Variants in KDM5B observed in about 807,000 individuals in gnomAD.
The protein encoded by KDM5B is lysine-specific demethylase 5B.
Under a neutral mutation model 193.4 loss-of-function variants are expected in KDM5B, and 144 were observed. The observed-to-expected ratio is 0.74, with a 90% CI of 0.65 to 0.86. The LOEUF is 0.86. KDM5B is among the 40% of genes least tolerant of loss of function. The pLI is 0.00. For synonymous variants in KDM5B, 668 were observed against 682.6 expected (o/e 0.98, Z 0.33); for missense variants, 1,833 against 1,886.9 (o/e 0.97, Z 0.53).
chr1:202,760,570 C>G lies in KDM5B; in HGVS notation c.922G>C (p.Asp308His). 6.2e-7 allele frequency: 1 copy of G among 1,602,500 alleles called. No homozygotes were observed. ...SRSKKATNAVDLYVCLLCGSG... is the reference protein window; with the variant it reads ...SRSKKATNAVHLYVCLLCGSG... ...CCACATAAAAGACAGACATACAGGTCCACCTGTAGCAATAAAAGTGGGTAC... is the reference window on the plus strand; with the variant it reads ...CCACATAAAAGACAGACATACAGGTGCACCTGTAGCAATAAAAGTGGGTAC... Residue 308 changes from aspartate (D) to histidine (H), a missense_variant, in exon 8 of 27, where the codon GAC becomes CAC. Asp to His is a moderately conservative substitution (Grantham distance 81). Coordinates refer to ENST00000367265, the MANE Select transcript of KDM5B (RefSeq NM_006618.5).
At chr1:202,791,107 T>C (rs533412237) in intron 1 of KDM5B, among the ~76,000 whole-genome samples, 2 of 152,320 alleles carry the variant, frequency 1.3e-5, no homozygotes, top group South Asian at 2.1e-4. Flanking sequence ...ACTTACCCTA[T>C]GATATATTTC....
At chr1:202,750,846 GAC>G in intron 12 of KDM5B, 68 bp from the exon 13 acceptor site, 1 of 1,497,990 alleles carries the variant, frequency 6.7e-7, no homozygotes, top group Non-Finnish European at 9.1e-7. Context: ...AGACAATCTG[GAC>G]ACAGTCTATT....
chr1:202,753,996 G>A (rs1168316780), intron 11 of KDM5B, among the ~76,000 whole-genome samples: 1 of 152,106 alleles, frequency 6.6e-6, no homozygotes, highest in Non-Finnish European at 1.5e-5. Context: ...ATAAGGTATC[G>A]TATTCACTTC....
At chr1:202,732,611 TGACA>T (rs1235184313) in intron 23 of KDM5B, among the ~76,000 whole-genome samples, 2 of 126,654 alleles carry the variant, frequency 1.6e-5, no homozygotes, top group Middle Eastern at 4.3e-3. Flanking sequence ...GAAACAAATA[TGACA>T]GACTGTTTTT....
At chr1:202,745,821 A>G (rs749386665) in intron 16 of KDM5B, 37 bp downstream of exon 16, 8 of 1,612,180 alleles carry the variant, frequency 5.0e-6, no homozygotes, top group Non-Finnish European at 5.9e-6. Flanking sequence ...ATAAGCCCCA[A>G]TTTGCCAATC....
At chr1:202,806,384 A>C (rs1198812873) in intron 1 of KDM5B, 2 of 152,242 alleles carry the variant, frequency 1.3e-5, no homozygotes, top group African/African-American at 2.4e-5. Context: ...AAGCTACATT[A>C]CTACAGTGTG....
At chr1:202,807,082 G>GC (rs1658325224) in intron 1 of KDM5B, 1 of 152,356 alleles carries the variant, frequency 6.6e-6, no homozygotes, top group African/African-American at 2.4e-5. Context: ...CTGCCCCCAG[G>GC]CCCGAGGCGC....
chr1:202,767,749 A>G (rs1054786043), intron 4 of KDM5B, among the ~76,000 whole-genome samples: 9 of 152,194 alleles, frequency 5.9e-5, no homozygotes, highest in East Asian at 5.8e-4. Flanking sequence ...CATTGCTGAC[A>G]TCATCAGGTT....
At chr1:202,770,089 C>A (rs1011281982) in intron 4 of KDM5B, among the ~76,000 whole-genome samples, 2 of 152,120 alleles carry the variant, frequency 1.3e-5, no homozygotes, top group Admixed American at 1.3e-4. Context: ...GAAAATCATG[C>A]CCTGTAGTTT....
Position 202,758,527 on chromosome 1 carries a change from T to C in KDM5B, c.1078-17A>G. ...ACTACATTCCTGAAAATAAAGAAAA[T>C]TACGTTCTAGGTGACACTGAAAACA... On this transcript the variant is annotated splice_polypyrimidine_tract_variant and intron_variant, in intron 8 of 26. Coordinates refer to ENST00000367265, the MANE Select transcript of KDM5B (RefSeq NM_006618.5). The C allele has an allele frequency of 6.3e-7, 1 of 1,592,354 alleles. No individual in the cohort carries two copies. The highest frequency in any genetic ancestry group is 8.6e-7 in the Non-Finnish European group (1 of 1,164,146).
chr1:202,808,166 G>A lies in KDM5B; in HGVS notation c.140C>T (p.Ala47Val), dbSNP rs1207969518. The part of the protein sequence containing the change: ...PSWEEFADPF[A>V]FIHKIRPIAE... ...TATGGGCCGGATCTTGTGGATGAAA[G>A]CGAAGGGGTCCGCGAACTCTTCCCA... The change falls in exon 1 of 27, where the codon GCT (alanine) becomes GTT (valine). Residue 47 changes from alanine (A) to valine (V), a missense_variant. This residue lies in a region of KDM5B where 355 missense variants were observed against 374.9 expected (regional missense o/e 0.95). Transcript: ENST00000367265. 1.2e-6 allele frequency: 2 copies of A among 1,613,126 alleles called. No individual in the cohort carries two copies.
At position 202,768,835 on chromosome 1, in the gene KDM5B, A is replaced by G. The variant is rs903279789; in HGVS notation, c.577-1775T>C. ...CAGGTTCAAGCAATTCTCCTGCCTC[A>G]GCCTCCCAAGTAGCTGGGATTACAG... On this transcript the variant is annotated intron_variant, in intron 4 of 26. Coordinates refer to ENST00000367265, the MANE Select transcript of KDM5B (RefSeq NM_006618.5). 8.7e-5 allele frequency among the ~76,000 whole-genome samples: 13 copies of G among 150,026 alleles called. 1 individual carries two copies. The highest frequency in any genetic ancestry group is 3.4e-3 in the Middle Eastern group (1 of 290).
At chr1:202,755,582 C>CAGAA in intron 10 of KDM5B, 130 bp from the exon 11 acceptor site, 1 of 696,962 alleles carries the variant, frequency 1.4e-6, no homozygotes, top group Non-Finnish European at 2.3e-6. Flanking sequence ...CCATGCTGAC[C>CAGAA]TTCTAGGATG....
intron 11 of KDM5B, among the ~76,000 whole-genome samples, chr1:202,753,913 C>T (rs1655903896): frequency 2.0e-5 from 3 of 152,136 alleles, no homozygotes. Context: ...AGGTGAACCG[C>T]CCGCCTCAGC....
intron 1 of KDM5B, among the ~76,000 whole-genome samples, chr1:202,791,252 C>T (rs1046656056): frequency 6.6e-6 from 1 of 152,116 alleles, no homozygotes; most frequent in Non-Finnish European, 1.5e-5. Flanking sequence ...AAGTTGCAGT[C>T]TGATAAAACT....
At position 202,756,272 on chromosome 1, in the gene KDM5B, T is replaced by G. The variant is rs970923616; in HGVS notation, c.1356+86A>C. On this transcript the variant is annotated intron_variant, in intron 10 of 26. Transcript: ENST00000367265. ...CATTAAAAATCTGGTAATTAAGGAT[T>G]TGCTAAAAGTAATCATAAGTTACTT... The G allele has an allele frequency of 7.1e-6, 8 of 1,123,270 alleles. No homozygotes were observed. The African/African-American group carries it at 1.2e-4, about 18-fold the overall frequency. 69.6% of individuals were successfully genotyped at this position (1,123,270 alleles called of 1,614,324 possible).
At chr1:202,766,537 G>C (rs1020099015) in intron 5 of KDM5B, 6 of 431,988 alleles carry the variant, frequency 1.4e-5, no homozygotes, top group African/African-American at 1.1e-4. Flanking sequence ...GAGAAAAGTG[G>C]CTTTAACTGT....
At chr1:202,778,860 G>T (rs937175776) in intron 1 of KDM5B, among the ~76,000 whole-genome samples, 2 of 152,118 alleles carry the variant, frequency 1.3e-5, no homozygotes, top group Non-Finnish European at 2.9e-5. Flanking sequence ...GACCTCATAT[G>T]ATCCGCCTGC....
intron 20 of KDM5B, among the ~76,000 whole-genome samples, chr1:202,737,663 A>T (rs990255594): frequency 4.6e-5 from 7 of 152,236 alleles, no homozygotes; most frequent in African/African-American, 1.7e-4. Context: ...AATTTATAGG[A>T]AATACAGAGA....
Sources: allele counts gnomAD v4.1 joint callset (sites outside exome capture counted in the v4.1 genomes callset), GRCh38; gene constraint gnomAD v4.1.1; regional missense constraint gnomAD v4.1.1; transcripts MANE v1.5; gene names NCBI Gene and HGNC (gene_info 2026-07-23, HGNC 2026-07-21).